The following CPLX2 variants were observed in gnomAD, a reference collection of about 807,000 sequenced individuals.
The protein encoded by CPLX2 is complexin 2.
CPLX2 carries 5 observed loss-of-function variants against 16.3 expected under a neutral mutation model. That is an observed-to-expected ratio of 0.31 (90% CI 0.16 to 0.64). The LOEUF (loss-of-function observed/expected upper bound fraction) is 0.64. Among genes scored for constraint, CPLX2 ranks in the 30% least tolerant of loss-of-function variants. The probability of loss-of-function intolerance (pLI) is 0.79; values close to 1 mark genes in which losing one functional copy is unlikely to be tolerated. For missense variants in CPLX2, 144 were observed against 181.4 expected (o/e 0.79, Z 1.18); for synonymous variants, 89 against 73.2 (o/e 1.22, Z -1.10).
At chr5:175,836,740 A>G (rs1402870503) in intron 2 of CPLX2, among the ~76,000 whole-genome samples, 4 of 152,248 alleles carry the variant, frequency 2.6e-5, no homozygotes, top group Admixed American at 2.6e-4. Flanking sequence ...GCCTTGGCAC[A>G]GAAAACAGGA....
chr5:175,850,815 C>T (rs926353827), intron 2 of CPLX2, among the ~76,000 whole-genome samples: 17 of 152,034 alleles, frequency 1.1e-4, no homozygotes, highest in African/African-American at 3.6e-4. Flanking sequence ...CAGAGCTGGG[C>T]TCACTGAGTC....
At chr5:175,801,179 G>A (rs1374919843) in intron 1 of CPLX2, among the ~76,000 whole-genome samples, 2 of 93,912 alleles carry the variant, frequency 2.1e-5, no homozygotes, top group Non-Finnish European at 4.9e-5. Context: ...AAAAAAAACT[G>A]GGTTTTAAAA....
intron 1 of CPLX2, among the ~76,000 whole-genome samples, chr5:175,805,167 A>T (rs1758173778): frequency 6.6e-6 from 1 of 152,220 alleles, no homozygotes; most frequent in African/African-American, 2.4e-5. Context: ...AATCAATAAC[A>T]TTCATATTAA....
intron 2 of CPLX2, among the ~76,000 whole-genome samples, chr5:175,831,100 CTGTG>C (rs59852410): frequency 6.6e-6 from 1 of 150,566 alleles, no homozygotes; most frequent in East Asian, 2.0e-4. Flanking sequence ...CAGCTTGCCT[CTGTG>C]TGTGTGTGTG....
intron 2 of CPLX2, among the ~76,000 whole-genome samples, chr5:175,841,606 G>T (rs1186045884): frequency 6.6e-6 from 1 of 152,162 alleles, no homozygotes; most frequent in Non-Finnish European, 1.5e-5. Flanking sequence ...CTTCCACACT[G>T]CAGGCTCAGA....
At chr5:175,801,062 AG>A (rs1387783013) in intron 1 of CPLX2, among the ~76,000 whole-genome samples, 1 of 151,594 alleles carries the variant, frequency 6.6e-6, no homozygotes, top group Non-Finnish European at 1.5e-5. Flanking sequence ...GAGGGGGCAG[AG>A]AGGAGATCAT....
chr5:175,817,936 G>A (rs1256282451), intron 2 of CPLX2, among the ~76,000 whole-genome samples: 1 of 152,160 alleles, frequency 6.6e-6, no homozygotes, highest in Admixed American at 6.5e-5. Flanking sequence ...AGGGTTAAGT[G>A]TGGGGAGCCA....
chr5:175,883,141 G>C lies in CPLX2; in HGVS notation c.*3096G>C, dbSNP rs548978870. 6.6e-6 allele frequency: 1 copy of C among 152,334 alleles called. No individual in the cohort carries two copies. Among genetic ancestry groups the C allele is most frequent in the East Asian group, 1.9e-4 (1 of 5,182 alleles). The allele number at this position is 152,334 out of a possible 1,614,324, so 9.4% of individuals were successfully genotyped here. On this transcript the variant is annotated 3_prime_UTR_variant, in exon 4 of 4. Coordinates refer to ENST00000393745, the MANE Select transcript of CPLX2 (RefSeq NM_001008220.2). The stretch of plus-strand genomic sequence containing the variant: ...GGTGAAAAAAGAATGAGGTTCAAGG[G>C]AGCGTGCACCAGGTGAGGTGAGCGT...
chr5:175,815,643 T>C (rs1248529913), intron 2 of CPLX2, among the ~76,000 whole-genome samples: 1 of 152,224 alleles, frequency 6.6e-6, no homozygotes, highest in Admixed American at 6.5e-5. Flanking sequence ...TACCACCAGT[T>C]TGTGACCATG....
intron 2 of CPLX2, among the ~76,000 whole-genome samples, chr5:175,850,712 C>T (rs1033551237): frequency 1.1e-4 from 16 of 152,140 alleles, no homozygotes; most frequent in African/African-American, 3.6e-4. Context: ...GCACCCTCAT[C>T]CCCAGAACCC....
chr5:175,825,359 C>T (rs1252887776), intron 2 of CPLX2, among the ~76,000 whole-genome samples: 1 of 151,384 alleles, frequency 6.6e-6, no homozygotes, highest in Non-Finnish European at 1.5e-5. Context: ...CACTGCACTC[C>T]AGCCTGGCGA....
chr5:175,832,423 T>C (rs1044766390), intron 2 of CPLX2, among the ~76,000 whole-genome samples: 23 of 152,216 alleles, frequency 1.5e-4, no homozygotes, highest in African/African-American at 5.3e-4. Flanking sequence ...CAGCTCCGTG[T>C]GATGAGTGTG....
intron 2 of CPLX2, among the ~76,000 whole-genome samples, chr5:175,841,496 G>A (rs549114813): frequency 6.6e-6 from 1 of 152,260 alleles, no homozygotes; most frequent in South Asian, 2.1e-4. Flanking sequence ...GGGAACGTGG[G>A]GTACACCTGC....
At chr5:175,858,379 G>A (rs2113685911) in intron 2 of CPLX2, among the ~76,000 whole-genome samples, 1 of 152,342 alleles carries the variant, frequency 6.6e-6, no homozygotes, top group South Asian at 2.1e-4. Context: ...ACTAGGCCTG[G>A]CCAATGAATG....
chr5:175,875,350 G>T (rs1420144226), intron 1 of CPLX2, among the ~76,000 whole-genome samples: 1 of 152,154 alleles, frequency 6.6e-6, no homozygotes, highest in African/African-American at 2.4e-5. Context: ...TAGATGAATT[G>T]GCTTCAGCCA....
intron 1 of CPLX2, among the ~76,000 whole-genome samples, chr5:175,803,685 A>C (rs746585652): frequency 1.3e-5 from 2 of 152,160 alleles, no homozygotes; most frequent in Non-Finnish European, 2.9e-5. Flanking sequence ...TCTTTGGGAG[A>C]CAGAGGGGTG....
In CPLX2 at chr5:175,810,512, G is replaced by A. The variant is rs186774350; in HGVS notation, c.-89+1444G>A. 1.0e-3 allele frequency among the ~76,000 whole-genome samples: 152 copies of A among 152,276 alleles called. 1 individual carries two copies. The highest frequency in any genetic ancestry group is 3.2e-3 in the African/African-American group (131 of 41,548). The stretch of plus-strand genomic sequence containing the variant: ...ACAAGAGCTGACTCCAGCTTGTTTG[G>A]GTACTCCAGCCCCATGCTTAGTGCA... On this transcript the variant is annotated intron_variant, in intron 2 of 4. Coordinates refer to the CPLX2 transcript ENST00000359546.
At chr5:175,871,959 G>C (rs1759633875) in intron 1 of CPLX2, 1 of 152,314 alleles carries the variant, frequency 6.6e-6, no homozygotes, top group Non-Finnish European at 1.5e-5. Context: ...TGCGAACTAA[G>C]AGGAAGCGTG....
chr5:175,850,647 G>C (rs1759133375), intron 2 of CPLX2, among the ~76,000 whole-genome samples: 2 of 152,278 alleles, frequency 1.3e-5, no homozygotes, highest in South Asian at 4.1e-4. Context: ...AAGTCCTGCA[G>C]GGGAAGTCTG....
Sources: allele counts gnomAD v4.1 joint callset (sites outside exome capture counted in the v4.1 genomes callset), GRCh38; gene constraint gnomAD v4.1.1; transcripts MANE v1.5; gene names NCBI Gene and HGNC (gene_info 2026-07-23, HGNC 2026-07-21).